Variants in PAX8 observed in about 807,000 individuals in gnomAD.
PAX8 encodes the protein paired box 8, also known as paired box protein Pax-8.
Under a neutral mutation model 52.4 loss-of-function variants are expected in PAX8, and 15 were observed. The observed-to-expected ratio is 0.29, with a 90% CI of 0.19 to 0.44. PAX8 has a LOEUF of 0.44. Ranked by LOEUF, PAX8 falls within the 20% of genes least tolerant of loss-of-function variation. The pLI is 1.00. For missense variants in PAX8, 554 were observed against 602.5 expected (o/e 0.92, Z 0.84); for synonymous variants, 284 against 249.7 (o/e 1.14, Z -1.29).
Position 113,220,072 on chromosome 2 carries a change from G to T in PAX8, c.1276+20C>A, listed in dbSNP as rs757730962. On this transcript the variant is annotated intron_variant, in intron 11 of 11. Transcript: ENST00000429538. The stretch of plus-strand genomic sequence containing the variant: ...CATCCATCCTGCCCAGCAGAGGCCT[G>T]GGCAGCCCCAGGGACTTACTCAGCA... The T allele has an allele frequency of 6.3e-7, 1 of 1,596,748 alleles. No homozygotes were observed. The highest frequency in any genetic ancestry group is 8.6e-7 in the Non-Finnish European group (1 of 1,166,842).
chr2:113,224,998 G>A (rs1167370340), intron 10 of PAX8, among the ~76,000 whole-genome samples: 14 of 152,008 alleles, frequency 9.2e-5, no homozygotes, highest in Non-Finnish European at 2.9e-5. Context: ...ATGGTGTAGA[G>A]GAAAGAGCTT....
At chr2:113,229,217 T>A (rs1410582746) in intron 9 of PAX8, among the ~76,000 whole-genome samples, 3 of 152,192 alleles carry the variant, frequency 2.0e-5, no homozygotes, top group Admixed American at 2.0e-4. Flanking sequence ...GTGGCTAGTT[T>A]TCTGAGTGCC....
intron 11 of PAX8, 119 bp from the exon 12 acceptor site, chr2:113,218,728 G>A: frequency 1.6e-6 from 1 of 617,302 alleles, no homozygotes; most frequent in Admixed American, 2.7e-5. Flanking sequence ...CATTTCTCTG[G>A]CCTATCTGAT....
intron 9 of PAX8, among the ~76,000 whole-genome samples, chr2:113,231,519 T>C (rs549152825): frequency 4.7e-5 from 7 of 149,924 alleles, no homozygotes; most frequent in Admixed American, 4.0e-4. Context: ...CGGAAATAAG[T>C]GACCCAGAGA....
intron 2 of PAX8, chr2:113,250,618 G>C (rs1691688049): frequency 6.6e-6 from 1 of 152,218 alleles, no homozygotes; most frequent in Non-Finnish European, 1.5e-5. Context: ...CACTGGTTTA[G>C]GCCAGGTGAT....
intron 2 of PAX8, chr2:113,267,818 T>G (rs1233171173): frequency 2.0e-5 from 3 of 152,232 alleles, no homozygotes; most frequent in Non-Finnish European, 4.4e-5. Flanking sequence ...TTACTTTTAG[T>G]ATGTTTATGT....
intron 2 of PAX8, chr2:113,263,403 G>T (rs948487809): frequency 1.3e-5 from 2 of 152,838 alleles, no homozygotes; most frequent in Admixed American, 6.5e-5. Flanking sequence ...CAGTCTAAAT[G>T]TTGGTTATAA....
chr2:113,227,332 G>C, intron 9 of PAX8, 76 bp from the exon 10 acceptor site: 1 of 1,216,166 alleles, frequency 8.2e-7, no homozygotes, highest in Non-Finnish European at 1.2e-6. Context: ...TCCTGAGGCT[G>C]TCTTCCTCCA....
At position 113,236,626 on chromosome 2, in the gene PAX8, A is replaced by C. The variant is rs901755008; in HGVS notation, c.873T>G (p.Thr291=). ...CTGCCACCACGGGGTAGGTCTGGTG[A>C]GTCGAGAGGTTGCGCCCCAGTGGCG... ...SNTPLGRNLS[T]HQTYPVVADP... The change falls in exon 8 of 12, where the codon ACT becomes ACG. Residue 291 remains threonine (T), a synonymous_variant. Coordinates refer to ENST00000429538, the MANE Select transcript of PAX8 (RefSeq NM_003466.4). 60 of 1,590,286 alleles carry C rather than the reference A, an allele frequency of 3.8e-5. No homozygotes were observed. The highest frequency in any genetic ancestry group is 4.7e-5 in the Non-Finnish European group (55 of 1,169,096).
chr2:113,218,663 G>T, intron 11 of PAX8, 54 bp from the exon 12 acceptor site: 2 of 1,173,512 alleles, frequency 1.7e-6, no homozygotes, highest in Non-Finnish European at 2.5e-6. Context: ...AAGGAAAATT[G>T]CACCATAGCC....
At position 113,216,591 on chromosome 2, in the gene PAX8, G is replaced by C. The variant is rs932801565; in HGVS notation, c.*1942C>G. 1.7e-5 allele frequency: 4 copies of C among 229,406 alleles called. No homozygotes were observed. In the Admixed American group the frequency reaches 2.3e-4, roughly 13 times the overall value. 14.2% of individuals were successfully genotyped at this position (229,406 alleles called of 1,614,324 possible). On this transcript the variant is annotated 3_prime_UTR_variant, in exon 12 of 12. Coordinates refer to ENST00000429538, the MANE Select transcript of PAX8 (RefSeq NM_003466.4). ...CCGAGCTGTCACATTGCATTTCCCA[G>C]ATTTCCTGGAGGTGGTTGGCCTAAA...
intron 7 of PAX8, chr2:113,239,674 C>T (rs1690654634): frequency 6.6e-6 from 1 of 152,198 alleles, no homozygotes; most frequent in Non-Finnish European, 1.5e-5. Context: ...ACTGCTGGAC[C>T]TCAGTCTCCT....
intron 2 of PAX8, among the ~76,000 whole-genome samples, chr2:113,250,281 A>C (rs935886977): frequency 6.6e-6 from 1 of 151,880 alleles, no homozygotes; most frequent in African/African-American, 2.4e-5. Flanking sequence ...AAAAAAAAAA[A>C]AAAGAAGATA....
intron 2 of PAX8, among the ~76,000 whole-genome samples, chr2:113,256,626 ATATATGTG>A (rs375523336): frequency 2.1e-5 from 2 of 96,442 alleles, no homozygotes; most frequent in Admixed American, 1.1e-4. Flanking sequence ...GTATATATAT[ATATATGTG>A]TGTGTGTGTG....
chr2:113,261,874 A>C (rs997689100), intron 2 of PAX8, among the ~76,000 whole-genome samples: 19 of 151,730 alleles, frequency 1.3e-4, no homozygotes, highest in Admixed American at 2.0e-4. Context: ...GCTGGAGTGA[A>C]GTGGTGCGAT....
In PAX8 at chr2:113,244,628, CTCCAATA is replaced by C; in HGVS notation, c.192-11_192-5del. 6.2e-7 allele frequency: 1 copy of C among 1,613,836 alleles called. No homozygotes were observed. Among genetic ancestry groups the C allele is most frequent in the South Asian group, 1.1e-5 (1 of 91,082 alleles). On this transcript the variant is annotated splice_region_variant and splice_polypyrimidine_tract_variant and intron_variant, in intron 3 of 11. Coordinates refer to ENST00000429538, the MANE Select transcript of PAX8 (RefSeq NM_003466.4). ...GATGCTGCCAGTCTCGTAGTACCTA[CTCCAATA>C]GAGAATCCCAAAGAATTACCCAATA...
chr2:113,274,209 A>G (rs993129243), intron 2 of PAX8: 1 of 152,214 alleles, frequency 6.6e-6, no homozygotes, highest in African/African-American at 2.4e-5. Flanking sequence ...CCAGAGCACA[A>G]TGTGCGTTTT....
intron 9 of PAX8, among the ~76,000 whole-genome samples, chr2:113,234,485 C>G (rs986560932): frequency 2.0e-5 from 3 of 152,180 alleles, no homozygotes; most frequent in African/African-American, 7.2e-5. Flanking sequence ...TCTAGAGGCT[C>G]CCTCAGGTGC....
At chr2:113,245,656 C>T (rs954642883) in intron 3 of PAX8, among the ~76,000 whole-genome samples, 1 of 152,176 alleles carries the variant, frequency 6.6e-6, no homozygotes, top group African/African-American at 2.4e-5. Flanking sequence ...GATCAACCGC[C>T]TGTGTCAGCA....
Sources: allele counts gnomAD v4.1 joint callset (sites outside exome capture counted in the v4.1 genomes callset), GRCh38; gene constraint gnomAD v4.1.1; transcripts MANE v1.5; gene names NCBI Gene and HGNC (gene_info 2026-07-23, HGNC 2026-07-21).